GNG7: variants seen among roughly 807,000 people sequenced by gnomAD.
The protein encoded by GNG7 is G protein subunit gamma 7.
A neutral mutation model predicts 4.0 loss-of-function variants in GNG7; 1 was observed. That is an observed-to-expected ratio of 0.25 (90% CI 0.09 to 1.18). The LOEUF (loss-of-function observed/expected upper bound fraction) is 1.18. Ranked by LOEUF, GNG7 falls within the 50% of genes most tolerant of loss-of-function variation. GNG7 has a pLI of 0.50. For synonymous variants in GNG7, 34 were observed against 36.9 expected, an observed-to-expected ratio of 0.92 and a Z score of 0.29; for missense variants, 86 against 91.9, an observed-to-expected ratio of 0.94 and a Z score of 0.26.
intron 2 of GNG7, among the ~76,000 whole-genome samples, chr19:2,622,546 G>A (rs1981906845): frequency 6.8e-6 from 1 of 146,310 alleles, no homozygotes; most frequent in Non-Finnish European, 1.5e-5. Context: ...GCAGAGAGGG[G>A]GCTTCCGGGA....
chr19:2,629,893 C>T (rs1296080176), intron 2 of GNG7, among the ~76,000 whole-genome samples: 1 of 152,166 alleles, frequency 6.6e-6, no homozygotes, highest in African/African-American at 2.4e-5. Flanking sequence ...GGTCCATTTC[C>T]TGGTTTTGTA....
At position 2,633,517 on chromosome 19, in the gene GNG7, A is replaced by G. The variant is rs1272256047; in HGVS notation, c.-78+12707T>C. ...CACACACACACACACACACACACAC[A>G]CACACACGAGAGGTGGCTGTGGTCT... On this transcript the variant is annotated intron_variant, in intron 2 of 4. Coordinates refer to ENST00000382159, the MANE Select transcript of GNG7 (RefSeq NM_052847.3). This position sits in a 1 kb window ranked among gnomAD's most constrained non-coding sequence, Gnocchi z 5.9. Among the ~76,000 whole-genome samples, 2 of 148,220 alleles carry G rather than the reference A, an allele frequency of 1.3e-5. No individual in the cohort carries two copies. The highest frequency in any genetic ancestry group is 3.0e-5 in the Non-Finnish European group (2 of 67,046).
intron 2 of GNG7, among the ~76,000 whole-genome samples, chr19:2,608,249 G>C (rs1194350083): frequency 6.6e-6 from 1 of 151,780 alleles, no homozygotes; most frequent in African/African-American, 2.4e-5. Context: ...CTGAGGAGCA[G>C]AAAGACCGAA....
intron 1 of GNG7, among the ~76,000 whole-genome samples, chr19:2,680,883 C>T (rs1010788502): frequency 1.3e-5 from 2 of 152,042 alleles, no homozygotes; most frequent in Non-Finnish European, 1.5e-5. Context: ...CAGCTCACTG[C>T]AACCTTCGTC....
At chr19:2,642,075 C>G (rs1411852501) in intron 2 of GNG7, 2 of 155,460 alleles carry the variant, frequency 1.3e-5, no homozygotes, top group African/African-American at 4.8e-5. Context: ...CTACATCCAC[C>G]AGTGCCCAAA....
chr19:2,616,312 T>G (rs1275996729), intron 2 of GNG7, among the ~76,000 whole-genome samples: 1 of 152,082 alleles, frequency 6.6e-6, no homozygotes, highest in Non-Finnish European at 1.5e-5. Flanking sequence ...TGGCACGATC[T>G]CGACTCATTG....
chr19:2,518,511 C>T (rs1042399472), intron 4 of GNG7, among the ~76,000 whole-genome samples: 13 of 152,160 alleles, frequency 8.5e-5, no homozygotes, highest in African/African-American at 3.1e-4. Flanking sequence ...CCAGCAGCAG[C>T]GTGATGGGGT....
At chr19:2,635,939 GGTTGTC>G (rs1982296760) in intron 2 of GNG7, among the ~76,000 whole-genome samples, 2 of 152,202 alleles carry the variant, frequency 1.3e-5, no homozygotes, top group Admixed American at 6.5e-5. Flanking sequence ...GGACATTTGT[GGTTGTC>G]ACAACTGGCG....
rs192373402 is a variant in GNG7, at chr19:2,525,087, C to T, written c.-37-4362G>A. On this transcript the variant is annotated intron_variant, in intron 3 of 4. Coordinates refer to ENST00000382159, the MANE Select transcript of GNG7 (RefSeq NM_052847.3). Reference sequence around the variant, plus strand: ...GAGGACTAAGCCAACAGCAGCAGAACTGGCCACGCACTGAGTCAGCCAGGA... The same window carrying T: ...GAGGACTAAGCCAACAGCAGCAGAATTGGCCACGCACTGAGTCAGCCAGGA... Among the ~76,000 whole-genome samples the T allele has an allele frequency of 5.9e-5, 9 of 152,316 alleles. No individual in the cohort carries two copies. The East Asian group carries it at 1.2e-3, about 20-fold the overall frequency.
Position 2,653,894 on chromosome 19 carries a change from G to A in GNG7, c.-134-7614C>T, listed in dbSNP as rs1449927149. Among the ~76,000 whole-genome samples the A allele has an allele frequency of 6.6e-6, 1 of 152,202 alleles. No individual in the cohort carries two copies. On this transcript the variant is annotated intron_variant, in intron 1 of 4. Coordinates refer to ENST00000382159, the MANE Select transcript of GNG7 (RefSeq NM_052847.3). The surrounding 1 kb of genome is among the most constrained non-coding windows in gnomAD (Gnocchi z 4.8). ...CTGGCCTCGCCCATGGCTAACCTTG[G>A]CAGGCATCCCCAACAGAGGCGAGGG...
At chr19:2,550,962 G>A (rs189809443) in intron 3 of GNG7, among the ~76,000 whole-genome samples, 89 of 152,312 alleles carry the variant, frequency 5.8e-4, no homozygotes, top group African/African-American at 1.9e-3. Context: ...AGGGCCCGAC[G>A]AGAGCTGCCT....
chr19:2,624,272 G>A (rs996554705), intron 2 of GNG7, among the ~76,000 whole-genome samples: 5 of 152,050 alleles, frequency 3.3e-5, no homozygotes, highest in Non-Finnish European at 5.9e-5. Context: ...GCTCACGCCT[G>A]TAATCCCAGC....
At chr19:2,591,769 C>A (rs1001401315) in intron 2 of GNG7, among the ~76,000 whole-genome samples, 2 of 151,876 alleles carry the variant, frequency 1.3e-5, no homozygotes, top group Admixed American at 6.6e-5. Context: ...AACTCAATAG[C>A]CAAATAGAAG....
chr19:2,562,437 C>CCG (rs1037080306), intron 2 of GNG7, among the ~76,000 whole-genome samples: 4 of 152,126 alleles, frequency 2.6e-5, no homozygotes, highest in Non-Finnish European at 5.9e-5. Flanking sequence ...GCGTGAGCCA[C>CCG]CGCGCCCCGC....
chr19:2,533,140 C>T (rs781035628), intron 3 of GNG7, among the ~76,000 whole-genome samples: 6 of 150,856 alleles, frequency 4.0e-5, no homozygotes, highest in East Asian at 1.9e-4. Flanking sequence ...GATCAAGCAA[C>T]GTGTATGATT....
chr19:2,651,369 ATCCCTCCCTCCCTCCCT>A (rs1982821073), intron 1 of GNG7, among the ~76,000 whole-genome samples: 1 of 18,242 alleles, frequency 5.5e-5, no homozygotes, highest in African/African-American at 2.6e-4. Flanking sequence ...CCTTCCCTCC[ATCCCTCCCTCCCTCCCT>A]TCCCTCCATC....
intron 2 of GNG7, among the ~76,000 whole-genome samples, chr19:2,572,939 G>T (rs925503565): frequency 1.3e-5 from 2 of 150,778 alleles, no homozygotes; most frequent in African/African-American, 4.9e-5. Context: ...AACCCCGTCC[G>T]CATTAGCAGT....
intron 2 of GNG7, among the ~76,000 whole-genome samples, chr19:2,568,807 T>C (rs1021423399): frequency 1.3e-5 from 2 of 151,250 alleles, no homozygotes; most frequent in Non-Finnish European, 2.9e-5. Flanking sequence ...CGCACATATA[T>C]ACACACACAT....
At chr19:2,571,588 C>CTTTTTTTTTT (rs779497111) in intron 2 of GNG7, among the ~76,000 whole-genome samples, 42 of 68,016 alleles carry the variant, frequency 6.2e-4, no homozygotes, top group South Asian at 1.1e-3. Context: ...CATTTCTTTC[C>CTTTTTTTTTT]TTTTTTTTTT....
Sources: gnomAD v4.1 joint callset for allele counts (sites outside exome capture counted in the v4.1 genomes callset) on GRCh38, gnomAD v4.1.1 for gene constraint, Gnocchi (gnomAD v3.1) non-coding constraint, MANE v1.5 for transcripts, NCBI Gene and HGNC (gene_info 2026-07-23, HGNC 2026-07-21) for gene names.